The following OSBPL10 variants were observed in gnomAD, a reference collection of about 807,000 sequenced individuals.
OSBPL10 encodes oxysterol-binding protein-related protein 10.
A neutral mutation model predicts 81.7 loss-of-function variants in OSBPL10; 49 were observed. The ratio of observed to expected loss-of-function variants is 0.60; its 90% CI spans 0.48 to 0.76. The LOEUF is 0.76. Among genes scored for constraint, OSBPL10 ranks in the 30% least tolerant of loss-of-function variants. The pLI is 0.00. For synonymous variants in OSBPL10, 419 were observed against 383.6 expected, an observed-to-expected ratio of 1.09 and a Z score of -1.08; for missense variants, 923 against 987.8, an observed-to-expected ratio of 0.93 and a Z score of 0.88.
intron 4 of OSBPL10, among the ~76,000 whole-genome samples, chr3:31,827,584 T>C (rs1016731046): frequency 6.6e-6 from 1 of 151,480 alleles, no homozygotes; most frequent in Non-Finnish European, 1.5e-5. Context: ...TGCACTGAGC[T>C]GAGATCAAGC....
chr3:32,073,142 G>C (rs1699844165), intron 1 of OSBPL10, among the ~76,000 whole-genome samples: 1 of 152,138 alleles, frequency 6.6e-6, no homozygotes. Flanking sequence ...ACGCTACAGG[G>C]TGCAGTCCAT....
intron 2 of OSBPL10, among the ~76,000 whole-genome samples, chr3:32,035,974 T>C (rs1699514390): frequency 1.3e-5 from 2 of 152,194 alleles, no homozygotes; most frequent in African/African-American, 4.8e-5. Context: ...CCCCAGTCTT[T>C]GGTGACCACT....
intron 3 of OSBPL10, among the ~76,000 whole-genome samples, chr3:31,835,733 GATT>G (rs1187138502): frequency 6.6e-6 from 1 of 152,104 alleles, no homozygotes; most frequent in African/African-American, 2.4e-5. Flanking sequence ...AAAATCATTT[GATT>G]ATATTTCTTC....
chr3:32,005,307 A>G (rs1404839690), intron 2 of OSBPL10, among the ~76,000 whole-genome samples: 2 of 152,156 alleles, frequency 1.3e-5, no homozygotes, highest in Non-Finnish European at 2.9e-5. Context: ...TAACTGCTGG[A>G]AAGTATTCCA....
At chr3:31,785,567 A>G (rs548410107) in intron 4 of OSBPL10, among the ~76,000 whole-genome samples, 14 of 152,206 alleles carry the variant, frequency 9.2e-5, no homozygotes, top group Non-Finnish European at 1.6e-4. Flanking sequence ...TTGGACTGGC[A>G]GTCAGGAGAT....
chr3:31,995,258 C>T (rs1472336429), intron 2 of OSBPL10, among the ~76,000 whole-genome samples: 4 of 152,156 alleles, frequency 2.6e-5, no homozygotes, highest in Non-Finnish European at 5.9e-5. Context: ...GAGAGTACTG[C>T]AGGAGACCAG....
In OSBPL10 at chr3:32,028,597, C is replaced by A. The variant is rs1337954598; in HGVS notation, n.298+17894G>T. On this transcript the variant is annotated intron_variant and non_coding_transcript_variant, in intron 2 of 3. Transcript: ENST00000479173. ...AATTGCAATATGAAACTGATTTCTC[C>A]TCTTTTCTTAAATAGGAAGAAATGT... 1.3e-5 allele frequency among the ~76,000 whole-genome samples: 2 copies of A among 152,128 alleles called. 1 individual carries two copies.
intron 1 of OSBPL10, among the ~76,000 whole-genome samples, chr3:31,905,639 T>C (rs768897489): frequency 1.3e-5 from 2 of 152,010 alleles, no homozygotes; most frequent in Non-Finnish European, 2.9e-5. Context: ...AGTGAGCCAC[T>C]GTGCCCAGCC....
chr3:31,870,493 G>A (rs1701292996), intron 3 of OSBPL10, among the ~76,000 whole-genome samples: 2 of 152,260 alleles, frequency 1.3e-5, no homozygotes, highest in Non-Finnish European at 2.9e-5. Flanking sequence ...AAGGGCTGAG[G>A]AGTGCGAATG....
intron 1 of OSBPL10, among the ~76,000 whole-genome samples, chr3:32,070,158 C>T (rs1414345792): frequency 1.3e-5 from 2 of 152,120 alleles, no homozygotes; most frequent in Admixed American, 6.5e-5. Flanking sequence ...AGGGTAAGTC[C>T]GTCCCCTATT....
chr3:31,686,111 G>A (rs73066064), intron 7 of OSBPL10, among the ~76,000 whole-genome samples: 180 of 152,070 alleles, frequency 1.2e-3, no homozygotes, highest in African/African-American at 4.1e-3. Flanking sequence ...ACACACACCC[G>A]CTCCCTTTTC....
At chr3:31,958,164 C>T (rs750317951) in intron 1 of OSBPL10, among the ~76,000 whole-genome samples, 1 of 152,188 alleles carries the variant, frequency 6.6e-6, no homozygotes, top group Non-Finnish European at 1.5e-5. Context: ...AGAGCTAAAG[C>T]GTGACTTTGC....
chr3:31,800,077 A>T (rs1559470814), intron 4 of OSBPL10, among the ~76,000 whole-genome samples: 1 of 152,206 alleles, frequency 6.6e-6, no homozygotes, highest in Non-Finnish European at 1.5e-5. Flanking sequence ...AGTGAAAGGT[A>T]AAAAGGCAGG....
intron 1 of OSBPL10, among the ~76,000 whole-genome samples, chr3:31,976,831 C>CA (rs1192206402): frequency 6.6e-6 from 1 of 151,908 alleles, no homozygotes; most frequent in African/African-American, 2.4e-5. Flanking sequence ...TGCCAATCAC[C>CA]AAAAAAAGAA....
intron 6 of OSBPL10, among the ~76,000 whole-genome samples, chr3:31,727,806 C>T (rs1201714492): frequency 1.3e-5 from 2 of 152,154 alleles, no homozygotes; most frequent in East Asian, 1.9e-4. Flanking sequence ...CAACATCTAC[C>T]TATACCTTTA....
At chr3:31,760,843 G>A (rs556631688) in intron 4 of OSBPL10, among the ~76,000 whole-genome samples, 4 of 152,112 alleles carry the variant, frequency 2.6e-5, no homozygotes, top group Non-Finnish European at 5.9e-5. Context: ...CCCTATGGCC[G>A]AACATTACGA....
chr3:31,762,962 C>G (rs1295939143), intron 4 of OSBPL10, among the ~76,000 whole-genome samples: 1 of 152,094 alleles, frequency 6.6e-6, no homozygotes, highest in Non-Finnish European at 1.5e-5. Flanking sequence ...CATACACACT[C>G]TGATGCTCAC....
At chr3:32,026,042 A>AGATAGAT (rs1553649770) in intron 2 of OSBPL10, among the ~76,000 whole-genome samples, 1 of 121,866 alleles carries the variant, frequency 8.2e-6, no homozygotes, top group Non-Finnish European at 1.7e-5. Context: ...ATAGATAGAT[A>AGATAGAT]GATAGATAGA....
chr3:31,756,760 A>C (rs1054515749), intron 4 of OSBPL10, among the ~76,000 whole-genome samples: 1 of 152,212 alleles, frequency 6.6e-6, no homozygotes, highest in South Asian at 2.1e-4. Flanking sequence ...GATCTTCTCT[A>C]GTGTATTTAC....
Sources: gnomAD v4.1 joint callset for allele counts (sites outside exome capture counted in the v4.1 genomes callset) on GRCh38, gnomAD v4.1.1 for gene constraint, MANE v1.5 for transcripts, NCBI Gene and HGNC (gene_info 2026-07-23, HGNC 2026-07-21) for gene names.